The following NTM variants were observed in gnomAD, a reference collection of about 807,000 sequenced individuals.
NTM encodes neurotrimin, also known as IgLON family member 2.
Under a neutral mutation model 42.1 loss-of-function variants are expected in NTM, and 13 were observed. That is an observed-to-expected ratio of 0.31 (90% CI 0.20 to 0.49). The LOEUF is 0.49. NTM is among the 20% of genes least tolerant of loss of function. The pLI is 0.99. For synonymous variants in NTM, 187 were observed against 179.2 expected (o/e 1.04, Z -0.35); for missense variants, 373 against 452.8 (o/e 0.82, Z 1.60).
At chr11:131,523,460 G>A (rs1565597490) in intron 1 of NTM, among the ~76,000 whole-genome samples, 1 of 152,140 alleles carries the variant, frequency 6.6e-6, no homozygotes, top group Non-Finnish European at 1.5e-5. Flanking sequence ...AGAAGTGTTG[G>A]TAGTGTATGT....
chr11:132,053,869 G>A (rs2079203718), intron 2 of NTM, among the ~76,000 whole-genome samples: 3 of 152,162 alleles, frequency 2.0e-5, no homozygotes, highest in Non-Finnish European at 4.4e-5. Flanking sequence ...CTCCACTAGA[G>A]TAGTATCACT....
intron 3 of NTM, among the ~76,000 whole-genome samples, chr11:132,200,073 A>G (rs1238185737): frequency 6.6e-6 from 1 of 152,172 alleles, no homozygotes; most frequent in African/African-American, 2.4e-5. Flanking sequence ...TAAAACAGAC[A>G]GACCTGTGTC....
At position 132,148,933 on chromosome 11, in the gene NTM, A is replaced by G. The variant is rs566098967; in HGVS notation, c.400+2419A>G. Among the ~76,000 whole-genome samples, 5 of 152,250 alleles carry G rather than the reference A, an allele frequency of 3.3e-5. No individual in the cohort carries two copies. The South Asian group carries it at 1.0e-3, about 32-fold the overall frequency. On this transcript the variant is annotated intron_variant, in intron 3 of 8. Transcript: ENST00000683400. ...GTGACTTAGCTAGGTGCCCTCTCGC[A>G]TGACACACCACCTCAAGTATTGGAA...
Position 131,719,333 on chromosome 11 carries a change from A to G in NTM, c.83-192231A>G, listed in dbSNP as rs1046872386. The stretch of plus-strand genomic sequence containing the variant: ...TCCACCCTTTGTTCTTGAATATATA[A>G]GAAATTGTGCATAAATCCTCCTTGA... On this transcript the variant is annotated intron_variant, in intron 1 of 8. Coordinates refer to ENST00000683400, the MANE Select transcript of NTM (RefSeq NM_001352005.2). 2.0e-5 allele frequency among the ~76,000 whole-genome samples: 3 copies of G among 152,218 alleles called. No homozygotes were observed. The East Asian group carries it at 5.8e-4, about 29-fold the overall frequency.
At chr11:131,802,552 A>G (rs933898426) in intron 1 of NTM, among the ~76,000 whole-genome samples, 1 of 152,194 alleles carries the variant, frequency 6.6e-6, no homozygotes, top group Non-Finnish European at 1.5e-5. Context: ...CTTGCTGGAC[A>G]GAAGGATTGC....
At chr11:131,411,540 C>T (rs1268676768) in intron 1 of NTM, among the ~76,000 whole-genome samples, 3 of 129,718 alleles carry the variant, frequency 2.3e-5, no homozygotes, top group East Asian at 4.9e-4. Flanking sequence ...TAGGGGGGGC[C>T]GTGTGTGTGT....
At chr11:132,178,478 G>C (rs531681166) in intron 3 of NTM, among the ~76,000 whole-genome samples, 2 of 152,034 alleles carry the variant, frequency 1.3e-5, no homozygotes, top group South Asian at 4.2e-4. Context: ...TTTTTCCTTG[G>C]ATTTTATTTT....
rs1039940343 is a variant in NTM at position 131,395,648 on chromosome 11, G to A, written c.82+24760G>A. Among the ~76,000 whole-genome samples the A allele has an allele frequency of 3.3e-5, 5 of 152,244 alleles. No individual in the cohort carries two copies. In the South Asian group the frequency reaches 8.3e-4, roughly 25 times the overall value. ...TTAATCATCATTAGAACCGCTCTGA[G>A]TTTTTACATTCCTTTTAAATGTTAA... is the stretch of plus-strand genomic sequence containing the variant. On this transcript the variant is annotated intron_variant, in intron 1 of 8. Transcript: ENST00000683400.
intron 2 of NTM, among the ~76,000 whole-genome samples, chr11:131,973,171 A>G (rs1176028111): frequency 3.9e-5 from 6 of 152,198 alleles, no homozygotes; most frequent in African/African-American, 1.4e-4. Context: ...ACCAGGGATG[A>G]CTGCGCACAA....
intron 1 of NTM, among the ~76,000 whole-genome samples, chr11:131,653,362 A>G (rs1320286145): frequency 1.3e-5 from 2 of 152,350 alleles, no homozygotes; most frequent in East Asian, 1.9e-4. Context: ...GAGGACGGAC[A>G]TCAGCCGGAG....
intron 1 of NTM, among the ~76,000 whole-genome samples, chr11:131,396,035 T>C (rs904927949): frequency 9.9e-5 from 15 of 151,652 alleles, no homozygotes; most frequent in Non-Finnish European, 2.1e-4. Flanking sequence ...GCAGAAAGGG[T>C]TCTGGAGGTG....
intron 1 of NTM, among the ~76,000 whole-genome samples, chr11:131,412,231 CTGT>C (rs753247026): frequency 8.5e-5 from 13 of 152,096 alleles, no homozygotes; most frequent in Non-Finnish European, 1.5e-4. Flanking sequence ...GCTCATGGGC[CTGT>C]AAGTTCTCAT....
At chr11:131,759,141 A>G (rs540124412) in intron 1 of NTM, among the ~76,000 whole-genome samples, 38 of 152,330 alleles carry the variant, frequency 2.5e-4, no homozygotes, top group Admixed American at 5.9e-4. Flanking sequence ...ACATGCTGCC[A>G]TTATGAGAAG....
At chr11:132,230,606 C>T (rs2087329894) in intron 4 of NTM, among the ~76,000 whole-genome samples, 1 of 152,248 alleles carries the variant, frequency 6.6e-6, no homozygotes, top group Non-Finnish European at 1.5e-5. Flanking sequence ...GCACTTTGCC[C>T]ACCCTCTCTG....
At chr11:131,600,225 A>G (rs1209360955) in intron 1 of NTM, among the ~76,000 whole-genome samples, 1 of 152,168 alleles carries the variant, frequency 6.6e-6, no homozygotes, top group Non-Finnish European at 1.5e-5. Context: ...ATAATAGAAG[A>G]GATTCATAAA....
intron 1 of NTM, among the ~76,000 whole-genome samples, chr11:131,707,049 C>T (rs1464715869): frequency 6.6e-6 from 1 of 151,926 alleles, no homozygotes; most frequent in Non-Finnish European, 1.5e-5. Flanking sequence ...TAACTATAGT[C>T]ACCATGCTAT....
chr11:131,825,416 T>G (rs2042009213), intron 1 of NTM, among the ~76,000 whole-genome samples: 4 of 152,176 alleles, frequency 2.6e-5, no homozygotes, highest in Admixed American at 2.6e-4. Flanking sequence ...ATTTAACTGC[T>G]GACAATCTGG....
chr11:132,096,002 G>A (rs993194340), intron 2 of NTM, among the ~76,000 whole-genome samples: 1 of 152,172 alleles, frequency 6.6e-6, no homozygotes, highest in Non-Finnish European at 1.5e-5. Context: ...GAAGCAGGAT[G>A]TCATTTCTAT....
chr11:132,071,911 C>G (rs894090249), intron 2 of NTM, among the ~76,000 whole-genome samples: 1 of 152,146 alleles, frequency 6.6e-6, no homozygotes, highest in Non-Finnish European at 1.5e-5. Context: ...ATAAAATCTT[C>G]TGTGCTCGTA....
Sources: gnomAD v4.1 joint callset for allele counts (sites outside exome capture counted in the v4.1 genomes callset) on GRCh38, gnomAD v4.1.1 for gene constraint, MANE v1.5 for transcripts, NCBI Gene and HGNC (gene_info 2026-07-23, HGNC 2026-07-21) for gene names.